GRAMD1C: variants seen among roughly 807,000 people sequenced by gnomAD.
The protein encoded by GRAMD1C is GRAM domain containing 1C.
In GRAMD1C, 89 loss-of-function variants were observed where a neutral mutation model predicts 97.8. The ratio of observed to expected loss-of-function variants is 0.91; its 90% CI spans 0.77 to 1.09. The LOEUF is 1.09. GRAMD1C is among the 50% of genes least tolerant of loss of function. The probability of loss-of-function intolerance (pLI) is 0.00; values close to 1 mark genes in which losing one functional copy is unlikely to be tolerated. For missense variants in GRAMD1C, 740 were observed against 766.4 expected, an observed-to-expected ratio of 0.97 and a Z score of 0.41; for synonymous variants, 256 against 267.0, an observed-to-expected ratio of 0.96 and a Z score of 0.40.
At chr3:113,883,420 G>A (rs1383058039) in intron 6 of GRAMD1C, among the ~76,000 whole-genome samples, 1 of 151,868 alleles carries the variant, frequency 6.6e-6, no homozygotes, top group Non-Finnish European at 1.5e-5. Context: ...AGCTACTTGG[G>A]AGGCTGAGGT....
upstream of GRAMD1C, among the ~76,000 whole-genome samples, chr3:113,834,668 G>T (rs544606223): frequency 1.3e-5 from 2 of 151,784 alleles, no homozygotes; most frequent in East Asian, 3.9e-4. Flanking sequence ...AGGCACGGTG[G>T]CTTACACCTG....
At chr3:113,920,683 G>A (rs1313998860) in intron 10 of GRAMD1C, among the ~76,000 whole-genome samples, 6 of 152,022 alleles carry the variant, frequency 3.9e-5, no homozygotes, top group African/African-American at 1.4e-4. Context: ...TAGGATTACA[G>A]GTGCCCGCCA....
chr3:113,876,907 G>A (rs1935065868), intron 5 of GRAMD1C, among the ~76,000 whole-genome samples: 1 of 151,966 alleles, frequency 6.6e-6, no homozygotes, highest in Non-Finnish European at 1.5e-5. Context: ...AAAGAGACAG[G>A]GAGAGTTTTG....
chr3:113,942,644 C>G (rs1414977222), intron 17 of GRAMD1C, among the ~76,000 whole-genome samples: 1 of 152,208 alleles, frequency 6.6e-6, no homozygotes, highest in African/African-American at 2.4e-5. Context: ...TCAGTACATA[C>G]ATTTTCCTGT....
intron 2 of GRAMD1C, among the ~76,000 whole-genome samples, chr3:113,853,376 G>A (rs1384213213): frequency 1.3e-5 from 2 of 152,190 alleles, no homozygotes; most frequent in South Asian, 2.1e-4. Flanking sequence ...AGAGAAGTCC[G>A]TTATGAATCT....
intron 6 of GRAMD1C, chr3:113,885,692 A>C: frequency 6.6e-7 from 1 of 1,526,704 alleles, no homozygotes; most frequent in African/African-American, 1.4e-5. Context: ...TGTTTACAGA[A>C]AGCATGGAGA....
chr3:113,867,850 A>G (rs1325112393), intron 2 of GRAMD1C, among the ~76,000 whole-genome samples: 1 of 152,132 alleles, frequency 6.6e-6, no homozygotes, highest in Non-Finnish European at 1.5e-5. Context: ...TTGGAAACTT[A>G]TGACCATTAT....
chr3:113,858,607 G>T (rs1180852706), intron 2 of GRAMD1C, among the ~76,000 whole-genome samples: 1 of 151,990 alleles, frequency 6.6e-6, no homozygotes, highest in Non-Finnish European at 1.5e-5. Context: ...TGTTGGCCAG[G>T]ATGGTCTCCA....
At chr3:113,889,234 T>C (rs1373091674) in intron 6 of GRAMD1C, among the ~76,000 whole-genome samples, 3 of 152,116 alleles carry the variant, frequency 2.0e-5, no homozygotes, top group Non-Finnish European at 4.4e-5. Flanking sequence ...TGGAATATCA[T>C]TCAGTAATAA....
At chr3:113,855,502 G>A (rs979119808) in intron 2 of GRAMD1C, among the ~76,000 whole-genome samples, 3 of 151,850 alleles carry the variant, frequency 2.0e-5, no homozygotes, top group Admixed American at 6.6e-5. Context: ...CCAGGAGTTC[G>A]AGATCAGCCT....
At chr3:113,882,422 G>A (rs1275247588) in intron 5 of GRAMD1C, among the ~76,000 whole-genome samples, 1 of 152,024 alleles carries the variant, frequency 6.6e-6, no homozygotes, top group Non-Finnish European at 1.5e-5. Flanking sequence ...ATAAAATAAA[G>A]TTTCATTTTT....
At chr3:113,890,520 C>G in intron 6 of GRAMD1C, 1 of 497,348 alleles carries the variant, frequency 2.0e-6, no homozygotes, top group Admixed American at 3.8e-5. Flanking sequence ...CACTGCAGGC[C>G]GGTCACTTTC....
intron 6 of GRAMD1C, among the ~76,000 whole-genome samples, chr3:113,887,544 C>T (rs1276341846): frequency 6.6e-6 from 1 of 150,832 alleles, no homozygotes; most frequent in East Asian, 2.0e-4. Context: ...ACTAAAAATA[C>T]AAAAAATTAG....
chr3:113,882,607 A>G (rs924689779), intron 5 of GRAMD1C, 145 bp from the exon 6 acceptor site: 21 of 470,598 alleles, frequency 4.5e-5, no homozygotes, highest in African/African-American at 3.5e-4. Flanking sequence ...TATAACAAAA[A>G]GTTAAATAAA....
rs551527495 is a variant in GRAMD1C at position 113,896,406 on chromosome 3, G to C, written c.541-4625G>C. Among the ~76,000 whole-genome samples, 11 of 152,064 alleles carry C rather than the reference G, an allele frequency of 7.2e-5. No individual in the cohort carries two copies. In the South Asian group the frequency reaches 2.3e-3, roughly 32 times the overall value. The stretch of plus-strand genomic sequence containing the variant: ...CTCTTTGTGTGTTGGGCTTTCTTGG[G>C]GTTCAGTTTTAGGTTCTGTTTTTCC... On this transcript the variant is annotated intron_variant, in intron 6 of 17. Transcript: ENST00000358160.
At chr3:113,829,897 G>A (rs535768786) in intron 1 of GRAMD1C, among the ~76,000 whole-genome samples, 2 of 152,222 alleles carry the variant, frequency 1.3e-5, no homozygotes, top group East Asian at 1.9e-4. Context: ...GTTGTCCCAC[G>A]GTCATGGAAA....
chr3:113,910,413 G>A (rs148093532), intron 9 of GRAMD1C, among the ~76,000 whole-genome samples: 2 of 152,188 alleles, frequency 1.3e-5, no homozygotes, highest in African/African-American at 4.8e-5. Context: ...AAACTTACTT[G>A]GTTTTAGAGG....
rs547759613 is a variant in GRAMD1C at position 113,925,182 on chromosome 3, G to A, written c.1091-5532G>A. 1.4e-4 allele frequency among the ~76,000 whole-genome samples: 21 copies of A among 152,218 alleles called. 1 individual carries two copies. The South Asian group carries it at 4.4e-3, about 32-fold the overall frequency. ...CTATGGATGCCATTGCATGTGAGATGGGTCTCCTAAAGACAGCATACAGTT... is the reference window on the plus strand; with the variant it reads ...CTATGGATGCCATTGCATGTGAGATAGGTCTCCTAAAGACAGCATACAGTT... On this transcript the variant is annotated intron_variant, in intron 10 of 17. Coordinates refer to ENST00000358160, the MANE Select transcript of GRAMD1C (RefSeq NM_017577.5).
intron 6 of GRAMD1C, chr3:113,897,537 C>T: frequency 1.0e-6 from 1 of 984,000 alleles, no homozygotes; most frequent in Non-Finnish European, 1.2e-6. Flanking sequence ...GCTGGTACTA[C>T]AACCAGGAAG....
Sources: gnomAD v4.1 joint callset for allele counts (sites outside exome capture counted in the v4.1 genomes callset) on GRCh38, gnomAD v4.1.1 for gene constraint, MANE v1.5 for transcripts, NCBI Gene and HGNC (gene_info 2026-07-23, HGNC 2026-07-21) for gene names.